COL12A1: variants seen among roughly 807,000 people sequenced by gnomAD.
The protein encoded by COL12A1 is collagen type XII alpha 1 chain.
In COL12A1, 114 loss-of-function variants were observed where a neutral mutation model predicts 349.7. The ratio of observed to expected loss-of-function variants is 0.33; its 90% CI spans 0.28 to 0.38. COL12A1 has a LOEUF of 0.38. Among genes scored for constraint, COL12A1 ranks in the 10% least tolerant of loss-of-function variants. The probability of loss-of-function intolerance (pLI) is 1.00; values close to 1 mark genes in which losing one functional copy is unlikely to be tolerated. For synonymous variants in COL12A1, 1,369 were observed against 1,329.0 expected (o/e 1.03, Z -0.66); for missense variants, 3,284 against 3,756.9 (o/e 0.87, Z 3.29).
chr6:75,172,801 T>C (rs1768704610), intron 13 of COL12A1, among the ~76,000 whole-genome samples: 1 of 152,218 alleles, frequency 6.6e-6, no homozygotes, highest in Non-Finnish European at 1.5e-5. Flanking sequence ...GGGTTTGCAC[T>C]GTGAAGGTCC....
chr6:75,182,635 A>G (rs1000684246), intron 10 of COL12A1, among the ~76,000 whole-genome samples: 2 of 152,218 alleles, frequency 1.3e-5, no homozygotes, highest in African/African-American at 4.8e-5. Context: ...ATGATTCAGG[A>G]AAGGAAATGC....
rs1223920242 is a variant in COL12A1, at chr6:75,180,968, G to A, written c.2135C>T (p.Pro712Leu). 1.2e-6 allele frequency: 2 copies of A among 1,613,114 alleles called. No homozygotes were observed. The highest frequency in any genetic ancestry group is 1.7e-6 in the Non-Finnish European group (2 of 1,179,698). The change falls in exon 11 of 66, where the codon CCC becomes CTC. Residue 712 changes from proline to leucine, a missense_variant. By Grantham distance (98) the Pro-to-Leu change is moderately conservative. Transcript: ENST00000322507. ...TAEYEDGFSI[P>L]LAGEETTEEV... ...TTCGGTGGTCTCCTCTCCAGCTAAGGGAATGCTGAAGCCATCCTCATACTC... is the reference window on the plus strand; with the variant it reads ...TTCGGTGGTCTCCTCTCCAGCTAAGAGAATGCTGAAGCCATCCTCATACTC...
At chr6:75,139,865 T>G (rs893589987) in intron 27 of COL12A1, among the ~76,000 whole-genome samples, 1 of 152,176 alleles carries the variant, frequency 6.6e-6, no homozygotes, top group Non-Finnish European at 1.5e-5. Context: ...TTTTTTTATG[T>G]CTGCCACCAT....
chr6:75,138,132 C>G (rs896017208), intron 30 of COL12A1, among the ~76,000 whole-genome samples, 188 bp downstream of exon 30: 1 of 152,046 alleles, frequency 6.6e-6, no homozygotes, highest in African/African-American at 2.4e-5. Flanking sequence ...CCAAGCTGAT[C>G]AATACACTCC....
Position 75,143,240 on chromosome 6 carries a change from T to A in COL12A1, c.4827+12A>T. 1 of 1,613,500 alleles carries A rather than the reference T, an allele frequency of 6.2e-7. No homozygotes were observed. The highest frequency in any genetic ancestry group is 8.5e-7 in the Non-Finnish European group (1 of 1,179,786). Reference sequence around the variant, plus strand: ...ACAAATATTTTCATATCTACTATCATCTTCAACCTACCTCTTTGACATCCT... The same window carrying A: ...ACAAATATTTTCATATCTACTATCAACTTCAACCTACCTCTTTGACATCCT... On this transcript the variant is annotated intron_variant, in intron 26 of 65. Transcript: ENST00000322507.
chr6:75,152,856 G>A (rs1190555423), intron 17 of COL12A1, among the ~76,000 whole-genome samples: 1 of 152,026 alleles, frequency 6.6e-6, no homozygotes, highest in Non-Finnish European at 1.5e-5. Flanking sequence ...TAACTATGAA[G>A]TACTAATAAC....
intron 56 of COL12A1, 84 bp from the exon 57 acceptor site, chr6:75,102,136 T>G (rs1390104168): frequency 7.8e-7 from 1 of 1,278,210 alleles, no homozygotes; most frequent in South Asian, 1.2e-5. Flanking sequence ...TTATGAAATC[T>G]TCATCACTTC....
chr6:75,198,387 A>C (rs964832488), intron 2 of COL12A1, among the ~76,000 whole-genome samples: 7 of 151,528 alleles, frequency 4.6e-5, no homozygotes, highest in Non-Finnish European at 8.8e-5. Flanking sequence ...TTGTAAATAT[A>C]AGCAATATTT....
At chr6:75,115,699 T>A (rs1032074414) in intron 49 of COL12A1, 85 bp downstream of exon 49, 1 of 1,488,544 alleles carries the variant, frequency 6.7e-7, no homozygotes, top group Non-Finnish European at 9.0e-7. Context: ...AATTCTAAAG[T>A]CCCAGGATTC....
intron 30 of COL12A1, 39 bp downstream of exon 30, chr6:75,138,281 A>G: frequency 1.3e-6 from 2 of 1,557,852 alleles, no homozygotes; most frequent in Non-Finnish European, 1.8e-6. Context: ...TTCATTCATT[A>G]TTTGTTCATT....
chr6:75,130,250 C>A lies in COL12A1; in HGVS notation c.6068-17G>T, dbSNP rs200347973. 293 of 1,610,022 alleles carry A rather than the reference C, an allele frequency of 1.8e-4. 2 individuals are homozygous for A. In the Middle Eastern group the frequency reaches 2.0e-3, roughly 11 times the overall value. ...TGCGTGGTACTAAATAAATAAAATA[C>A]AATAGAGTTTGTTGCCTGCCTGTGA... On this transcript the variant is annotated splice_polypyrimidine_tract_variant and intron_variant, in intron 36 of 65. Transcript: ENST00000322507.
chr6:75,181,043 A>G lies in COL12A1; in HGVS notation c.2060T>C (p.Val687Ala), dbSNP rs1378701140. 4 of 1,614,152 alleles carry G rather than the reference A, an allele frequency of 2.5e-6. No individual in the cohort carries two copies. Among genetic ancestry groups the G allele is most frequent in the Non-Finnish European group, 3.4e-6 (4 of 1,180,022 alleles). Reference sequence around the variant, plus strand: ...GGTCTCTGGCTTCAGGCTGCTGAGAACAACACTGGTGCTCGATGCTGGCTC... The same window carrying G: ...GGTCTCTGGCTTCAGGCTGCTGAGAGCAACACTGGTGCTCGATGCTGGCTC... ...VVEPASSTSV[V>A]LSSLKPETLY... is the part of the protein sequence containing the mutation. Residue 687 changes from valine (V) to alanine (A), a missense_variant, in exon 11 of 66, where the codon GTT becomes GCT. Transcript: ENST00000322507.
chr6:75,158,598 A>T (rs533577992), intron 14 of COL12A1, among the ~76,000 whole-genome samples: 8 of 152,328 alleles, frequency 5.3e-5, no homozygotes, highest in African/African-American at 1.7e-4. Flanking sequence ...TTACAGAATT[A>T]AAAAGGATGT....
At chr6:75,177,552 A>C in intron 12 of COL12A1, 111 bp downstream of exon 12, 1 of 1,381,076 alleles carries the variant, frequency 7.2e-7, no homozygotes, top group Non-Finnish European at 1.0e-6. Flanking sequence ...TAACATACTC[A>C]AACAATTGAA....
intron 13 of COL12A1, among the ~76,000 whole-genome samples, chr6:75,167,720 G>A (rs953918736): frequency 3.3e-5 from 5 of 152,086 alleles, no homozygotes; most frequent in African/African-American, 1.2e-4. Flanking sequence ...AGATATTTCT[G>A]GGCTTAAAAC....
Position 75,101,592 on chromosome 6 carries a change from A to C in COL12A1, c.8523+8T>G. Reference sequence around the variant, plus strand: ...CAACATCATTGTAGCCTGCTCAAGAAAACTTACTCTGTCTCCTGGAGGTCC... The same window carrying C: ...CAACATCATTGTAGCCTGCTCAAGACAACTTACTCTGTCTCCTGGAGGTCC... On this transcript the variant is annotated splice_region_variant and intron_variant, in intron 58 of 65. Transcript: ENST00000322507. 6.2e-7 allele frequency: 1 copy of C among 1,612,796 alleles called. No individual in the cohort carries two copies. The highest frequency in any genetic ancestry group is 1.3e-5 in the African/African-American group (1 of 74,936).
At chr6:75,162,673 A>C (rs1261785301) in intron 14 of COL12A1, among the ~76,000 whole-genome samples, 2 of 152,246 alleles carry the variant, frequency 1.3e-5, no homozygotes, top group African/African-American at 4.8e-5. Flanking sequence ...AATCTGATTA[A>C]ACTAAAGAGC....
intron 46 of COL12A1, 23 bp downstream of exon 46, chr6:75,119,020 A>T: frequency 6.2e-7 from 1 of 1,611,360 alleles, no homozygotes; most frequent in East Asian, 2.2e-5. Flanking sequence ...TTCAAGTGCA[A>T]TCAAATTCAT....
Position 75,134,625 on chromosome 6 carries a change from A to G in COL12A1, c.5524+101T>C, listed in dbSNP as rs1238467848. 4 of 1,060,468 alleles carry G rather than the reference A, an allele frequency of 3.8e-6. No individual in the cohort carries two copies. In the African/African-American group the frequency reaches 6.5e-5, roughly 17 times the overall value. The allele number at this position is 1,060,468 out of a possible 1,614,324, so 65.7% of individuals were successfully genotyped here. A position where few individuals can be genotyped will look rare whatever the true frequency, so the allele number is the denominator to read the frequency against. On this transcript the variant is annotated intron_variant, in intron 32 of 65. Coordinates refer to ENST00000322507, the MANE Select transcript of COL12A1 (RefSeq NM_004370.6). Reference sequence around the variant, plus strand: ...ATTATTTCTAAATGAATTTTTAAATATTAGTAAAACTTTGTGTCACCCCAG... The same window carrying G: ...ATTATTTCTAAATGAATTTTTAAATGTTAGTAAAACTTTGTGTCACCCCAG...
Sources: gnomAD v4.1 joint callset for allele counts (sites outside exome capture counted in the v4.1 genomes callset) on GRCh38, gnomAD v4.1.1 for gene constraint, MANE v1.5 for transcripts, NCBI Gene and HGNC (gene_info 2026-07-23, HGNC 2026-07-21) for gene names.